The following RPS6KC1 variants were observed in gnomAD, a reference collection of about 807,000 sequenced individuals.
The protein encoded by RPS6KC1 is ribosomal protein S6 kinase C1, also known as inactive ribosomal protein S6 kinase delta-1.
A neutral mutation model predicts 103.8 loss-of-function variants in RPS6KC1; 54 were observed. The ratio of observed to expected loss-of-function variants is 0.52; its 90% CI spans 0.42 to 0.65. RPS6KC1 has a LOEUF of 0.65. RPS6KC1 is among the 30% of genes least tolerant of loss of function. RPS6KC1 has a pLI of 0.00. For missense variants in RPS6KC1, 1,151 were observed against 1,253.8 expected, an observed-to-expected ratio of 0.92 and a Z score of 1.24; for synonymous variants, 439 against 438.7, an observed-to-expected ratio of 1.00 and a Z score of -0.01.
chr1:213,097,410 A>G (rs1008192933), intron 3 of RPS6KC1, among the ~76,000 whole-genome samples: 4 of 152,228 alleles, frequency 2.6e-5, no homozygotes, highest in African/African-American at 9.6e-5. Context: ...CAGTGGTCTT[A>G]AAATATTCAG....
chr1:213,706,216 C>A, the RPS6KC1 span, among the ~76,000 whole-genome samples: 1 of 152,170 alleles, frequency 6.6e-6, no homozygotes, highest in Non-Finnish European at 1.5e-5. Context: ...TAGGGCCCCA[C>A]ATCACTTTAA....
At chr1:213,853,553 C>T in the RPS6KC1 span, among the ~76,000 whole-genome samples, 18 of 152,220 alleles carry the variant, frequency 1.2e-4, no homozygotes, top group Middle Eastern at 3.2e-3. Flanking sequence ...GTAAGGCATA[C>T]TTCCCTTACA....
the RPS6KC1 span, among the ~76,000 whole-genome samples, chr1:213,795,220 A>G: frequency 6.6e-6 from 1 of 152,184 alleles, no homozygotes; most frequent in African/African-American, 2.4e-5. Context: ...TGCATAATTC[A>G]AAGCTGTAAG....
At chr1:213,299,855 A>T in the RPS6KC1 span, among the ~76,000 whole-genome samples, 1 of 151,912 alleles carries the variant, frequency 6.6e-6, no homozygotes, top group African/African-American at 2.4e-5. Context: ...CCCAGGCTGG[A>T]GTGCAGTGGC....
chr1:213,208,189 T>C (rs559975252), intron 8 of RPS6KC1, among the ~76,000 whole-genome samples: 2 of 152,302 alleles, frequency 1.3e-5, no homozygotes, highest in East Asian at 3.9e-4. Flanking sequence ...AAATAATCCA[T>C]CAGATATGTG....
chr1:213,768,878 C>A, the RPS6KC1 span, among the ~76,000 whole-genome samples: 1 of 152,290 alleles, frequency 6.6e-6, no homozygotes, highest in East Asian at 1.9e-4. Context: ...CATTTCATAT[C>A]TTTAATTGTC....
At chr1:213,568,380 C>T in the RPS6KC1 span, among the ~76,000 whole-genome samples, 1 of 152,136 alleles carries the variant, frequency 6.6e-6, no homozygotes, top group Non-Finnish European at 1.5e-5. Context: ...TTCCAGATTT[C>T]CCCAGAGATG....
chr1:213,629,089 T>G, the RPS6KC1 span, among the ~76,000 whole-genome samples: 1,199 of 152,300 alleles, frequency 7.9e-3, 21 homozygotes, highest in African/African-American at 0.027. Flanking sequence ...TCTGTAGATG[T>G]CTATTAGGTC....
the RPS6KC1 span, among the ~76,000 whole-genome samples, chr1:213,426,635 T>C: frequency 6.6e-6 from 1 of 152,244 alleles, no homozygotes; most frequent in Non-Finnish European, 1.5e-5. Flanking sequence ...CCTGTTGGGA[T>C]ACCAGTATTC....
At chr1:213,100,802 A>G (rs61834102) in intron 3 of RPS6KC1, among the ~76,000 whole-genome samples, 5,194 of 152,260 alleles carry the variant, frequency 0.034, 122 homozygotes, top group Middle Eastern at 0.055. Flanking sequence ...TCCATGGTGT[A>G]TATGTACCAC....
the RPS6KC1 span, among the ~76,000 whole-genome samples, chr1:213,557,120 T>C: frequency 1.3e-5 from 2 of 152,188 alleles, no homozygotes; most frequent in Non-Finnish European, 2.9e-5. Context: ...GCTCCTCACC[T>C]TATCCCTCTA....
At chr1:213,521,150 A>G in the RPS6KC1 span, among the ~76,000 whole-genome samples, 1 of 152,114 alleles carries the variant, frequency 6.6e-6, no homozygotes. Flanking sequence ...TCCTTTAACA[A>G]CTGAATACTA....
the RPS6KC1 span, among the ~76,000 whole-genome samples, chr1:213,651,950 C>T: frequency 6.6e-6 from 1 of 152,168 alleles, no homozygotes; most frequent in African/African-American, 2.4e-5. Flanking sequence ...ACAGTCACTT[C>T]TCAGAGATGC....
At chr1:213,692,548 C>A in the RPS6KC1 span, among the ~76,000 whole-genome samples, 2 of 152,108 alleles carry the variant, frequency 1.3e-5, no homozygotes, top group East Asian at 3.9e-4. Flanking sequence ...TTACTTCTCC[C>A]CTGATTCTTC....
chr1:213,574,577 G>T, the RPS6KC1 span, among the ~76,000 whole-genome samples: 1 of 152,102 alleles, frequency 6.6e-6, no homozygotes, highest in Non-Finnish European at 1.5e-5. Context: ...ACAGATCCAA[G>T]AATTCTTACG....
the RPS6KC1 span, among the ~76,000 whole-genome samples, chr1:213,714,829 G>C: frequency 0.01 from 1,584 of 152,280 alleles, 24 homozygotes; most frequent in African/African-American, 0.036. Flanking sequence ...GGGTGGAGGA[G>C]GCCAACAGTG....
At chr1:213,494,445 G>A in the RPS6KC1 span, among the ~76,000 whole-genome samples, 2 of 152,046 alleles carry the variant, frequency 1.3e-5, no homozygotes, top group South Asian at 4.2e-4. Flanking sequence ...AGAAATGGAA[G>A]GATAGAAAAA....
the RPS6KC1 span, among the ~76,000 whole-genome samples, chr1:213,689,272 C>T: frequency 6.6e-6 from 1 of 152,132 alleles, no homozygotes; most frequent in African/African-American, 2.4e-5. Flanking sequence ...GTGTGTATCC[C>T]AAAGGTCCCT....
the RPS6KC1 span, among the ~76,000 whole-genome samples, chr1:213,760,848 CTTTTTTTT>C: frequency 8.5e-6 from 1 of 117,212 alleles, no homozygotes; most frequent in African/African-American, 3.2e-5. Flanking sequence ...TGTGAGTCTA[CTTTTTTTT>C]TTTTTTTTTT....
Sources: gnomAD v4.1 joint callset for allele counts (sites outside exome capture counted in the v4.1 genomes callset) on GRCh38, gnomAD v4.1.1 for gene constraint, MANE v1.5 for transcripts, NCBI Gene and HGNC (gene_info 2026-07-23, HGNC 2026-07-21) for gene names.